SGCZ: variants seen among roughly 807,000 people sequenced by gnomAD.
SGCZ encodes the protein sarcoglycan zeta.
A neutral mutation model predicts 41.3 loss-of-function variants in SGCZ; 40 were observed. The observed-to-expected ratio is 0.97, with a 90% CI of 0.75 to 1.26. SGCZ has a LOEUF of 1.26. Ranked by LOEUF, SGCZ falls within the 50% of genes most tolerant of loss-of-function variation. SGCZ has a pLI of 0.00. For synonymous variants in SGCZ, 206 were observed against 137.5 expected (o/e 1.50, Z -3.49); for missense variants, 552 against 369.8 (o/e 1.49, Z -4.04).
chr8:14,454,340 T>C lies in SGCZ; in HGVS notation c.234+100392A>G, dbSNP rs183070799. ...GTAAATGAAGCCAACACGGGAAACATGCTACCTTAATCCTGCTGAGGTTAA... is the reference window on the plus strand; with the variant it reads ...GTAAATGAAGCCAACACGGGAAACACGCTACCTTAATCCTGCTGAGGTTAA... On this transcript the variant is annotated intron_variant, in intron 2 of 7. Coordinates refer to ENST00000382080, the MANE Select transcript of SGCZ (RefSeq NM_139167.4). Among the ~76,000 whole-genome samples, 10 of 152,278 alleles carry C rather than the reference T, an allele frequency of 6.6e-5. No individual in the cohort carries two copies. In the East Asian group the frequency reaches 1.9e-3, roughly 29 times the overall value.
chr8:14,399,092 A>G (rs564702994), intron 2 of SGCZ, among the ~76,000 whole-genome samples: 5 of 152,208 alleles, frequency 3.3e-5, no homozygotes, highest in African/African-American at 1.2e-4. Flanking sequence ...GATCATTATT[A>G]TTTTGAGAGC....
intron 2 of SGCZ, among the ~76,000 whole-genome samples, chr8:14,422,584 C>T (rs1585488879): frequency 6.6e-6 from 1 of 152,298 alleles, no homozygotes; most frequent in Non-Finnish European, 1.5e-5. Flanking sequence ...GACTTTTCTG[C>T]TTACTGTAAA....
Position 14,902,379 on chromosome 8 carries a change from A to T in SGCZ, c.39+335206T>A, listed in dbSNP as rs138524401. Among the ~76,000 whole-genome samples, 593 of 152,280 alleles carry T rather than the reference A, an allele frequency of 3.9e-3. 5 individuals carry two copies. The highest frequency in any genetic ancestry group is 0.014 in the African/African-American group (574 of 41,550). On this transcript the variant is annotated intron_variant, in intron 1 of 7. Coordinates refer to ENST00000382080, the MANE Select transcript of SGCZ (RefSeq NM_139167.4). ...TCATTTTGACCCCTGCGACTTGGTC[A>T]GAGTGATCTCTTGCATTATCCAATG...
At chr8:14,551,588 T>G (rs1585072326) in intron 2 of SGCZ, among the ~76,000 whole-genome samples, 1 of 44,424 alleles carries the variant, frequency 2.3e-5, no homozygotes, top group Non-Finnish European at 3.6e-5. Context: ...ATAATATATA[T>G]AATATATATT....
chr8:14,632,733 C>T (rs1175324144), intron 1 of SGCZ, among the ~76,000 whole-genome samples: 1 of 151,920 alleles, frequency 6.6e-6, no homozygotes, highest in Non-Finnish European at 1.5e-5. Context: ...ACTTGATTTG[C>T]TTTTAAAATC....
intron 1 of SGCZ, among the ~76,000 whole-genome samples, chr8:15,097,840 G>GTATATA (rs1554455203): frequency 3.4e-5 from 1 of 29,606 alleles, no homozygotes; most frequent in Admixed American, 3.8e-4. Flanking sequence ...ATATACGTGT[G>GTATATA]TGTATATATA....
intron 1 of SGCZ, among the ~76,000 whole-genome samples, chr8:15,207,561 T>A (rs1801106847): frequency 6.6e-6 from 1 of 151,942 alleles, no homozygotes; most frequent in African/African-American, 2.4e-5. Context: ...ACAAGGAGAT[T>A]TGGCACAATG....
intron 2 of SGCZ, among the ~76,000 whole-genome samples, chr8:14,493,245 T>C (rs1364093766): frequency 2.6e-5 from 4 of 151,920 alleles, no homozygotes; most frequent in Non-Finnish European, 4.4e-5. Flanking sequence ...TCTGATGACA[T>C]GAACCTCCTC....
chr8:14,558,600 G>GAGAGAGAGAGAGAA (rs1563410146), intron 1 of SGCZ, among the ~76,000 whole-genome samples: 1 of 151,134 alleles, frequency 6.6e-6, no homozygotes, highest in Non-Finnish European at 1.5e-5. Context: ...GAGAGAGAGA[G>GAGAGAGAGAGAGAA]AGAGAGAGAG....
chr8:15,165,235 C>T (rs1236822586), intron 1 of SGCZ, among the ~76,000 whole-genome samples: 2 of 152,024 alleles, frequency 1.3e-5, no homozygotes, highest in Non-Finnish European at 2.9e-5. Context: ...TGCAGTGAGC[C>T]GAGATCACGC....
intron 1 of SGCZ, among the ~76,000 whole-genome samples, chr8:14,667,144 T>A (rs1251188896): frequency 6.6e-6 from 1 of 152,066 alleles, no homozygotes; most frequent in Non-Finnish European, 1.5e-5. Context: ...AAGTTTCCAA[T>A]AAATATTCTG....
At chr8:14,455,993 G>A (rs1474694591) in intron 2 of SGCZ, among the ~76,000 whole-genome samples, 6 of 152,202 alleles carry the variant, frequency 3.9e-5, no homozygotes, top group Non-Finnish European at 8.8e-5. Flanking sequence ...GGGAGGGGAT[G>A]CGGAGTGACT....
chr8:14,478,955 G>A (rs1006127354), intron 2 of SGCZ, among the ~76,000 whole-genome samples: 4 of 152,136 alleles, frequency 2.6e-5, no homozygotes, highest in African/African-American at 9.7e-5. Flanking sequence ...TTTTCATACG[G>A]ATAAACTGTC....
intron 2 of SGCZ, among the ~76,000 whole-genome samples, chr8:14,530,214 A>AT (rs1228861684): frequency 5.9e-5 from 9 of 152,040 alleles, no homozygotes; most frequent in South Asian, 2.1e-4. Flanking sequence ...TTATAGGGAA[A>AT]TTTTTTTTAA....
chr8:14,486,765 C>G (rs142897208), intron 2 of SGCZ, among the ~76,000 whole-genome samples: 222 of 152,292 alleles, frequency 1.5e-3, no homozygotes, highest in African/African-American at 5.0e-3. Flanking sequence ...AAGCCATTCT[C>G]CAACCTCAGC....
intron 4 of SGCZ, among the ~76,000 whole-genome samples, chr8:14,167,539 A>G (rs1030412182): frequency 3.9e-5 from 6 of 152,180 alleles, no homozygotes; most frequent in East Asian, 3.8e-4. Context: ...GTTTATGTCA[A>G]TAAACTCACA....
At chr8:14,791,972 T>C (rs1015707548) in intron 1 of SGCZ, among the ~76,000 whole-genome samples, 4 of 152,172 alleles carry the variant, frequency 2.6e-5, no homozygotes, top group South Asian at 2.1e-4. Flanking sequence ...AGTAAAATTA[T>C]AGAATGTAAA....
intron 1 of SGCZ, among the ~76,000 whole-genome samples, chr8:14,877,986 T>C (rs1208558763): frequency 1.3e-5 from 2 of 152,076 alleles, no homozygotes; most frequent in East Asian, 3.9e-4. Flanking sequence ...AATATCCTTT[T>C]AAACAAATCT....
intron 1 of SGCZ, among the ~76,000 whole-genome samples, chr8:14,636,962 G>T (rs1806850144): frequency 6.6e-6 from 1 of 151,716 alleles, no homozygotes; most frequent in Non-Finnish European, 1.5e-5. Flanking sequence ...AACATTCTAG[G>T]TCATTCCATT....
Sources: gnomAD v4.1 joint callset for allele counts (sites outside exome capture counted in the v4.1 genomes callset) on GRCh38, gnomAD v4.1.1 for gene constraint, MANE v1.5 for transcripts, NCBI Gene and HGNC (gene_info 2026-07-23, HGNC 2026-07-21) for gene names.